RIMS2: variants seen among roughly 807,000 people sequenced by gnomAD.
RIMS2 encodes regulating synaptic membrane exocytosis 2, also known as regulating synaptic membrane exocytosis protein 2.
RIMS2 carries 59 observed loss-of-function variants against 174.4 expected under a neutral mutation model. That is an observed-to-expected ratio of 0.34 (90% CI 0.27 to 0.42). The LOEUF (loss-of-function observed/expected upper bound fraction) is 0.42. Among genes scored for constraint, RIMS2 ranks in the 10% least tolerant of loss-of-function variants. The pLI is 1.00. For synonymous variants in RIMS2, 606 were observed against 572.5 expected, an observed-to-expected ratio of 1.06 and a Z score of -0.84; for missense variants, 1,620 against 1,666.3, an observed-to-expected ratio of 0.97 and a Z score of 0.48.
intron 19 of RIMS2, among the ~76,000 whole-genome samples, chr8:104,049,423 CT>C (rs1161144136): frequency 3.3e-5 from 5 of 151,964 alleles, no homozygotes; most frequent in Admixed American, 6.6e-5. Context: ...GAGACTCCAT[CT>C]CAAAAAACAA....
At chr8:104,145,329 G>T (rs1009267018) in intron 19 of RIMS2, among the ~76,000 whole-genome samples, 6 of 151,676 alleles carry the variant, frequency 4.0e-5, no homozygotes, top group Non-Finnish European at 7.4e-5. Context: ...TAGAAGTGTT[G>T]AAATATACTG....
intron 19 of RIMS2, among the ~76,000 whole-genome samples, chr8:104,057,669 T>G (rs2096895249): frequency 1.3e-5 from 2 of 150,888 alleles, no homozygotes; most frequent in South Asian, 4.2e-4. Flanking sequence ...CTGCACCCAT[T>G]AACTCGTCAT....
At chr8:104,013,089 T>C (rs1182434186) in intron 17 of RIMS2, among the ~76,000 whole-genome samples, 1 of 152,198 alleles carries the variant, frequency 6.6e-6, no homozygotes, top group African/African-American at 2.4e-5. Context: ...TTCTTCACTC[T>C]TGAAAATGTT....
intron 1 of RIMS2, among the ~76,000 whole-genome samples, chr8:103,683,459 C>T (rs1334980240): frequency 1.3e-5 from 2 of 152,148 alleles, no homozygotes; most frequent in Admixed American, 6.6e-5. Context: ...TCCACATAAC[C>T]CAAACAACTC....
At chr8:104,065,550 G>A (rs1023724013) in intron 19 of RIMS2, among the ~76,000 whole-genome samples, 1 of 152,062 alleles carries the variant, frequency 6.6e-6, no homozygotes, top group Admixed American at 6.6e-5. Flanking sequence ...TCTACATGGA[G>A]TGTTTTCTTT....
At chr8:103,508,494 G>A (rs1308209921) in intron 1 of RIMS2, among the ~76,000 whole-genome samples, 1 of 151,694 alleles carries the variant, frequency 6.6e-6, no homozygotes, top group Admixed American at 6.6e-5. Flanking sequence ...TGCAGGACAT[G>A]GTCAAGAAGT....
intron 3 of RIMS2, among the ~76,000 whole-genome samples, chr8:103,861,395 G>T (rs1379350574): frequency 1.3e-5 from 2 of 152,104 alleles, no homozygotes; most frequent in Non-Finnish European, 2.9e-5. Flanking sequence ...TGGACACTTA[G>T]GTTGATCCCA....
At chr8:104,158,962 T>C (rs1436452471) in intron 19 of RIMS2, among the ~76,000 whole-genome samples, 1 of 152,202 alleles carries the variant, frequency 6.6e-6, no homozygotes, top group Non-Finnish European at 1.5e-5. Flanking sequence ...AGTCATGAAG[T>C]CTTTGCCCAT....
At chr8:104,010,003 TGGATGGATGGAC>T (rs2095706346) in intron 17 of RIMS2, among the ~76,000 whole-genome samples, 1 of 151,406 alleles carries the variant, frequency 6.6e-6, no homozygotes, top group African/African-American at 2.4e-5. Flanking sequence ...GATGGATGGA[TGGATGGATGGAC>T]GGACGGATGG....
In RIMS2 at chr8:103,825,050, T is replaced by G. The variant is rs148614110; in HGVS notation, c.698+58513T>G. On this transcript the variant is annotated intron_variant, in intron 3 of 23. Coordinates refer to ENST00000504942, the Ensembl canonical transcript of RIMS2. ...CTGGTAAAGTTGCTGTCCTATGAGC[T>G]CCTTGAATTAGGGGCTACATATTTA... Among the ~76,000 whole-genome samples, 206 of 152,254 alleles carry G rather than the reference T, an allele frequency of 1.4e-3. 1 individual carries two copies. Among genetic ancestry groups the G allele is most frequent in the African/African-American group, 4.6e-3 (193 of 41,562 alleles).
chr8:103,891,357 A>T (rs1309053564), intron 4 of RIMS2, among the ~76,000 whole-genome samples: 1 of 152,082 alleles, frequency 6.6e-6, no homozygotes, highest in Non-Finnish European at 1.5e-5. Flanking sequence ...CTCGTGTTTC[A>T]CGTTTAGACC....
At chr8:103,869,814 A>T (rs2099101717) in intron 3 of RIMS2, among the ~76,000 whole-genome samples, 1 of 152,154 alleles carries the variant, frequency 6.6e-6, no homozygotes, top group African/African-American at 2.4e-5. Flanking sequence ...AAGTGGGGGC[A>T]GTTTGAGGAT....
chr8:103,794,180 C>G (rs2098529664), intron 3 of RIMS2, among the ~76,000 whole-genome samples: 1 of 152,156 alleles, frequency 6.6e-6, no homozygotes, highest in South Asian at 2.1e-4. Context: ...TGACTTCAAA[C>G]TATACTACAA....
chr8:103,763,918 A>G (rs1409621887), intron 2 of RIMS2, among the ~76,000 whole-genome samples: 1 of 152,198 alleles, frequency 6.6e-6, no homozygotes, highest in Non-Finnish European at 1.5e-5. Context: ...TAACCCATTT[A>G]ACATATTGAA....
intron 19 of RIMS2, among the ~76,000 whole-genome samples, chr8:104,169,338 AT>A (rs1438030559): frequency 3.6e-4 from 10 of 27,830 alleles, no homozygotes; most frequent in South Asian, 1.2e-3. Context: ...ATATATATAT[AT>A]AAAACAGATT....
At chr8:103,778,083 T>TA (rs912611695) in intron 3 of RIMS2, among the ~76,000 whole-genome samples, 4 of 151,964 alleles carry the variant, frequency 2.6e-5, no homozygotes, top group African/African-American at 9.7e-5. Context: ...AGGTTAGAAG[T>TA]AAAAAAATGG....
At chr8:103,590,280 T>A (rs2094187970) in intron 1 of RIMS2, among the ~76,000 whole-genome samples, 1 of 151,382 alleles carries the variant, frequency 6.6e-6, no homozygotes, top group Non-Finnish European at 1.5e-5. Flanking sequence ...CAAAAAACTG[T>A]TAGAACTTTT....
intron 3 of RIMS2, among the ~76,000 whole-genome samples, chr8:103,810,179 T>C (rs913410836): frequency 6.6e-6 from 1 of 152,168 alleles, no homozygotes; most frequent in Admixed American, 6.5e-5. Flanking sequence ...TCTGCCTATA[T>C]GGGAATAGAA....
At chr8:103,626,905 A>G (rs2095800363) in intron 1 of RIMS2, among the ~76,000 whole-genome samples, 1 of 152,192 alleles carries the variant, frequency 6.6e-6, no homozygotes, top group Non-Finnish European at 1.5e-5. Flanking sequence ...AGGCAAGGCA[A>G]AATTAGAATT....
Sources: allele counts gnomAD v4.1 joint callset (sites outside exome capture counted in the v4.1 genomes callset), GRCh38; gene constraint gnomAD v4.1.1; transcripts MANE v1.5; gene names NCBI Gene and HGNC (gene_info 2026-07-23, HGNC 2026-07-21).